The following CDH4 variants were observed in gnomAD, a reference collection of about 807,000 sequenced individuals.
CDH4 encodes the protein cadherin-4.
Under a neutral mutation model 86.0 loss-of-function variants are expected in CDH4, and 33 were observed. The observed-to-expected ratio is 0.38, with a 90% CI of 0.29 to 0.51. The LOEUF is 0.51. Among genes scored for constraint, CDH4 ranks in the 20% least tolerant of loss-of-function variants. The pLI, the probability that CDH4 is intolerant of heterozygous loss-of-function variation, is 0.86. For missense variants in CDH4, 1,114 were observed against 1,307.4 expected (o/e 0.85, Z 2.28); for synonymous variants, 555 against 549.4 (o/e 1.01, Z -0.14).
chr20:61,389,400 C>G (rs1177900696), intron 2 of CDH4, among the ~76,000 whole-genome samples: 9 of 152,206 alleles, frequency 5.9e-5, no homozygotes, highest in African/African-American at 2.2e-4. Context: ...ACATATCGCC[C>G]CCTTGTAAAA....
chr20:61,437,251 A>C (rs559565300), intron 2 of CDH4: 1 of 152,374 alleles, frequency 6.6e-6, no homozygotes, highest in East Asian at 1.9e-4. Flanking sequence ...GCAAGATCCT[A>C]GGCCCTTAGT....
intron 2 of CDH4, among the ~76,000 whole-genome samples, chr20:61,542,400 A>G (rs115293520): frequency 8.7e-4 from 132 of 152,182 alleles, no homozygotes; most frequent in African/African-American, 2.8e-3. Flanking sequence ...GGTTTCTCAC[A>G]TTATCTCTGG....
chr20:61,626,588 C>T (rs756121460), intron 2 of CDH4, among the ~76,000 whole-genome samples: 16 of 152,176 alleles, frequency 1.1e-4, no homozygotes, highest in Non-Finnish European at 1.8e-4. Flanking sequence ...GGCTGGCGCC[C>T]GGCCTTGCCA....
chr20:61,744,448 G>GAC, intron 3 of CDH4, among the ~76,000 whole-genome samples: 2 of 57,716 alleles, frequency 3.5e-5, no homozygotes, highest in Admixed American at 1.7e-4. Context: ...GAGGAAGAGA[G>GAC]GGAGAGAGAG....
chr20:61,859,239 C>T (rs1042102296), intron 6 of CDH4, among the ~76,000 whole-genome samples: 4 of 152,206 alleles, frequency 2.6e-5, no homozygotes, highest in South Asian at 4.1e-4. Context: ...TCGTCCATTT[C>T]CTACTACGTT....
At chr20:61,340,684 A>G (rs1162630747) in intron 2 of CDH4, among the ~76,000 whole-genome samples, 1 of 151,834 alleles carries the variant, frequency 6.6e-6, no homozygotes, top group Non-Finnish European at 1.5e-5. Flanking sequence ...TTCTGGGCTC[A>G]AGCAATCCTC....
intron 1 of CDH4, among the ~76,000 whole-genome samples, chr20:61,253,263 G>A (rs1233621067): frequency 6.6e-6 from 1 of 151,102 alleles, no homozygotes; most frequent in Non-Finnish European, 1.5e-5. Context: ...ACGCCGGGCG[G>A]GCGCGGCGCG....
intron 2 of CDH4, among the ~76,000 whole-genome samples, chr20:61,279,528 A>G (rs1289264438): frequency 6.6e-6 from 1 of 151,904 alleles, no homozygotes; most frequent in East Asian, 1.9e-4. Context: ...ACAGTCACCC[A>G]TGGGCGCTGG....
chr20:61,820,180 C>A (rs1044916861), intron 4 of CDH4, among the ~76,000 whole-genome samples: 1 of 152,210 alleles, frequency 6.6e-6, no homozygotes, highest in Non-Finnish European at 1.5e-5. Context: ...TCCCCAAGAC[C>A]GCCTTCCACC....
chr20:61,834,266 C>G (rs971233741), intron 4 of CDH4, among the ~76,000 whole-genome samples: 1 of 152,234 alleles, frequency 6.6e-6, no homozygotes, highest in Non-Finnish European at 1.5e-5. Flanking sequence ...TGCCCCTTGC[C>G]CCCCCTCACT....
intron 2 of CDH4, among the ~76,000 whole-genome samples, chr20:61,406,703 G>A: frequency 7.4e-6 from 1 of 135,164 alleles, no homozygotes; most frequent in East Asian, 2.4e-4. Flanking sequence ...TCTGCCATCT[G>A]CTCTGCCTGG....
chr20:61,759,791 A>C (rs976999868), intron 3 of CDH4, among the ~76,000 whole-genome samples: 1 of 152,162 alleles, frequency 6.6e-6, no homozygotes, highest in Admixed American at 6.5e-5. Flanking sequence ...GAGACCCGAG[A>C]CGCCTGTGGT....
At chr20:61,831,379 G>A (rs1201207543) in intron 4 of CDH4, among the ~76,000 whole-genome samples, 2 of 152,236 alleles carry the variant, frequency 1.3e-5, no homozygotes, top group African/African-American at 2.4e-5. Context: ...ATTTTAGCGA[G>A]CAGTGAAGTC....
chr20:61,687,193 G>C lies in CDH4; in HGVS notation c.170-56370G>C, dbSNP rs562939086. On this transcript the variant is annotated intron_variant, in intron 2 of 15. Transcript: ENST00000614565. The stretch of plus-strand genomic sequence containing the variant: ...CACACCCTTTCCAGAAAGCTGCAGA[G>C]GTGCCCTCCTCTCCCGCTCCACAGC... Among the ~76,000 whole-genome samples, 7 of 152,332 alleles carry C rather than the reference G, an allele frequency of 4.6e-5. No homozygotes were observed. The East Asian group carries it at 1.3e-3, about 29-fold the overall frequency.
rs540698684 is a variant in CDH4 at position 61,498,392 on chromosome 20, T to C, written c.169+243455T>C. Among the ~76,000 whole-genome samples, 57 of 152,342 alleles carry C rather than the reference T, an allele frequency of 3.7e-4. 1 individual carries two copies. Among genetic ancestry groups the C allele is most frequent in the East Asian group, 1.3e-3 (7 of 5,186 alleles). ...AACTCTTCCTGCCATGGAACTGTATTGATAGTGTAATCGATAATGCTATAC... is the reference window on the plus strand; with the variant it reads ...AACTCTTCCTGCCATGGAACTGTATCGATAGTGTAATCGATAATGCTATAC... On this transcript the variant is annotated intron_variant, in intron 2 of 15. Transcript: ENST00000614565.
intron 2 of CDH4, among the ~76,000 whole-genome samples, chr20:61,549,545 CAA>C (rs2086112223): frequency 6.6e-6 from 1 of 152,236 alleles, no homozygotes; most frequent in African/African-American, 2.4e-5. Context: ...GCTTTGTGTA[CAA>C]AGTTTTCAGT....
chr20:61,873,698 TC>T (rs1317580061), intron 6 of CDH4, 29 bp from the exon 7 acceptor site: 1 of 1,602,114 alleles, frequency 6.2e-7, no homozygotes, highest in South Asian at 1.1e-5. Flanking sequence ...TGGCAGGCCA[TC>T]CCCATCTGAG....
intron 2 of CDH4, among the ~76,000 whole-genome samples, chr20:61,490,166 A>G (rs2085618197): frequency 1.3e-5 from 2 of 152,236 alleles, no homozygotes; most frequent in Non-Finnish European, 2.9e-5. Context: ...ATTCAAGAGA[A>G]TGGTCAAAGC....
chr20:61,777,417 A>G (rs535616092), intron 4 of CDH4, among the ~76,000 whole-genome samples: 1 of 152,242 alleles, frequency 6.6e-6, no homozygotes, highest in Non-Finnish European at 1.5e-5. Flanking sequence ...TGTGGCTCAC[A>G]CAGGGGCATC....
Sources: allele counts gnomAD v4.1 joint callset (sites outside exome capture counted in the v4.1 genomes callset), GRCh38; gene constraint gnomAD v4.1.1; transcripts MANE v1.5; gene names NCBI Gene and HGNC (gene_info 2026-07-23, HGNC 2026-07-21).